Variants in CDH18 observed in about 807,000 individuals in gnomAD.
The protein encoded by CDH18 is cadherin 18.
A neutral mutation model predicts 67.9 loss-of-function variants in CDH18; 31 were observed. That is an observed-to-expected ratio of 0.46 (90% confidence interval 0.34 to 0.62). The LOEUF (loss-of-function observed/expected upper bound fraction) is 0.62, where lower values mean the gene tolerates loss of function less well. CDH18 is among the 20% of genes least tolerant of loss of function. The pLI, the probability that CDH18 is intolerant of heterozygous loss-of-function variation, is 0.01. For synonymous variants in CDH18, 362 were observed against 347.2 expected, an observed-to-expected ratio of 1.04 and a Z score of -0.48; for missense variants, 890 against 975.5, an observed-to-expected ratio of 0.91 and a Z score of 1.17.
chr5:19,862,731 T>A (rs1255082004), intron 2 of CDH18, among the ~76,000 whole-genome samples: 2 of 152,224 alleles, frequency 1.3e-5, no homozygotes. Context: ...TATATTCATG[T>A]TTCCTGAATG....
At chr5:19,892,135 T>C (rs1343145320) in intron 2 of CDH18, among the ~76,000 whole-genome samples, 1 of 152,022 alleles carries the variant, frequency 6.6e-6, no homozygotes, top group Admixed American at 6.6e-5. Context: ...TAGGAAACAA[T>C]AGAAATAATT....
chr5:20,276,990 C>T (rs1474174471), intron 1 of CDH18, among the ~76,000 whole-genome samples: 6 of 152,118 alleles, frequency 3.9e-5, no homozygotes, highest in Admixed American at 3.9e-4. Context: ...CATGCCAGCT[C>T]AGCTGCAGTA....
intron 1 of CDH18, among the ~76,000 whole-genome samples, chr5:20,498,722 G>A (rs1754060294): frequency 6.6e-6 from 1 of 151,562 alleles, no homozygotes; most frequent in African/African-American, 2.4e-5. Context: ...GTTTCCACAG[G>A]TTATTACAAA....
At chr5:19,683,216 T>A (rs530664758) in intron 5 of CDH18, among the ~76,000 whole-genome samples, 1 of 152,204 alleles carries the variant, frequency 6.6e-6, no homozygotes, top group South Asian at 2.1e-4. Flanking sequence ...ACATTGTTGC[T>A]TAAAGGAATT....
At chr5:20,097,733 T>A (rs2150571980) in intron 2 of CDH18, among the ~76,000 whole-genome samples, 1 of 152,328 alleles carries the variant, frequency 6.6e-6, no homozygotes, top group African/African-American at 2.4e-5. Context: ...TTGTGATAAT[T>A]AATGTAATAA....
chr5:20,220,311 G>T (rs1741123891), intron 2 of CDH18, among the ~76,000 whole-genome samples: 1 of 151,874 alleles, frequency 6.6e-6, no homozygotes, highest in Admixed American at 6.6e-5. Context: ...AGAGAACCCA[G>T]AAATACATAC....
At chr5:19,578,026 G>C (rs925183842) in intron 7 of CDH18, among the ~76,000 whole-genome samples, 1 of 152,096 alleles carries the variant, frequency 6.6e-6, no homozygotes, top group Non-Finnish European at 1.5e-5. Flanking sequence ...TTCAGAAGCT[G>C]GAATTGGTGA....
chr5:20,510,230 C>T (rs183320719), intron 1 of CDH18, among the ~76,000 whole-genome samples: 35 of 152,000 alleles, frequency 2.3e-4, no homozygotes, highest in South Asian at 1.2e-3. Context: ...CCTGTTTTCT[C>T]GATTGGGTTA....
intron 1 of CDH18, among the ~76,000 whole-genome samples, chr5:20,477,841 A>T (rs969552994): frequency 3.9e-5 from 6 of 152,052 alleles, no homozygotes; most frequent in Admixed American, 3.3e-4. Flanking sequence ...CTCAGGAGAG[A>T]CTCTTTCTTT....
At chr5:19,876,170 T>A (rs1561490041) in intron 2 of CDH18, among the ~76,000 whole-genome samples, 2 of 152,094 alleles carry the variant, frequency 1.3e-5, no homozygotes, top group East Asian at 1.9e-4. Flanking sequence ...ACTGATTTTT[T>A]AAAAAATCAA....
intron 9 of CDH18, among the ~76,000 whole-genome samples, chr5:19,526,934 A>G (rs74397780): frequency 0.013 from 1,986 of 152,044 alleles, 36 homozygotes; most frequent in African/African-American, 0.045. Context: ...ATAGCTGTCT[A>G]AGTTTCATAA....
chr5:19,611,993 T>A (rs1749053066), intron 6 of CDH18, among the ~76,000 whole-genome samples: 1 of 144,148 alleles, frequency 6.9e-6, no homozygotes, highest in Non-Finnish European at 1.6e-5. Flanking sequence ...TGTGCATACA[T>A]GCATGCATTT....
chr5:20,023,478 T>C lies in CDH18; in HGVS notation c.-517-31464A>G, dbSNP rs141567139. Among the ~76,000 whole-genome samples, 2,764 of 151,886 alleles carry C rather than the reference T, an allele frequency of 0.018. 186 individuals are homozygous for C. In the East Asian group the frequency reaches 0.25, roughly 14 times the overall value. ...ATCGAGACCATCCTGGATAACATGGTGAAACCCCGTCTCTACTAAAAATAC... is the reference window on the plus strand; with the variant it reads ...ATCGAGACCATCCTGGATAACATGGCGAAACCCCGTCTCTACTAAAAATAC... On this transcript the variant is annotated intron_variant, in intron 2 of 14. Coordinates refer to the CDH18 transcript ENST00000507958.
intron 1 of CDH18, among the ~76,000 whole-genome samples, chr5:20,295,981 C>T (rs1747475733): frequency 6.8e-6 from 1 of 146,938 alleles, no homozygotes; most frequent in Non-Finnish European, 1.5e-5. Flanking sequence ...AAACGATTCT[C>T]CTGCCTCAGC....
chr5:20,190,215 G>A (rs999165972), intron 2 of CDH18, among the ~76,000 whole-genome samples: 6 of 152,020 alleles, frequency 3.9e-5, no homozygotes, highest in Non-Finnish European at 5.9e-5. Context: ...AAACACCAGC[G>A]TGTGGGCATC....
chr5:19,699,104 ATACT>A (rs1308998006), intron 5 of CDH18, among the ~76,000 whole-genome samples: 2 of 152,148 alleles, frequency 1.3e-5, no homozygotes, highest in African/African-American at 4.8e-5. Flanking sequence ...TAATTCTAAA[ATACT>A]TAAGTAATCA....
intron 1 of CDH18, among the ~76,000 whole-genome samples, chr5:20,517,774 G>C (rs1755468991): frequency 6.6e-6 from 1 of 152,004 alleles, no homozygotes. Flanking sequence ...AAAAATCTAA[G>C]TTTGCATGTT....
At chr5:19,744,320 A>C (rs1388304932) in intron 4 of CDH18, among the ~76,000 whole-genome samples, 1 of 152,108 alleles carries the variant, frequency 6.6e-6, no homozygotes, top group Non-Finnish European at 1.5e-5. Flanking sequence ...AGAACTTAAG[A>C]ATATTAACTT....
chr5:20,410,200 A>G lies in CDH18; in HGVS notation c.-579-154695T>C, dbSNP rs199568809. On this transcript the variant is annotated intron_variant, in intron 1 of 14. Coordinates refer to the CDH18 transcript ENST00000507958. ...CACCACAAAAAGGAAAACTACAGAC[A>G]ATATACTAGAATTAATACACATACA... Among the ~76,000 whole-genome samples, 28 of 140,948 alleles carry G rather than the reference A, an allele frequency of 2.0e-4. No homozygotes were observed. In the East Asian group the frequency reaches 5.5e-3, roughly 28 times the overall value. 92.5% of individuals were successfully genotyped at this position (140,948 alleles called of 152,430 possible).
Sources: allele counts gnomAD v4.1 joint callset (sites outside exome capture counted in the v4.1 genomes callset), GRCh38; gene constraint gnomAD v4.1.1; transcripts MANE v1.5; gene names NCBI Gene and HGNC (gene_info 2026-07-23, HGNC 2026-07-21).